Variants in CORO7 observed in about 807,000 individuals in gnomAD.
CORO7 encodes coronin 7.
In CORO7, 107 loss-of-function variants were observed where a neutral mutation model predicts 126.6. The ratio of observed to expected loss-of-function variants is 0.85; its 90% CI spans 0.72 to 0.99. CORO7 has a LOEUF of 0.99. CORO7 is among the 50% of genes least tolerant of loss of function. The pLI, the probability that CORO7 is intolerant of heterozygous loss-of-function variation, is 0.00. For missense variants in CORO7, 1,314 were observed against 1,255.8 expected (o/e 1.05, Z -0.70); for synonymous variants, 603 against 536.8 (o/e 1.12, Z -1.70).
intron 5 of CORO7, among the ~76,000 whole-genome samples, chr16:4,406,914 C>G (rs2056019826): frequency 6.6e-6 from 1 of 152,182 alleles, no homozygotes; most frequent in Non-Finnish European, 1.5e-5. Context: ...GCTGGGATTA[C>G]AGGCGTGAGC....
chr16:4,380,859 C>T, intron 9 of CORO7: 1 of 1,484,704 alleles, frequency 6.7e-7, no homozygotes, highest in Non-Finnish European at 8.9e-7. Context: ...TGCCTCCTCT[C>T]TGCTCCCAGG....
At chr16:4,387,751 G>C (rs1342254805) in intron 9 of CORO7, 1 of 580,528 alleles carries the variant, frequency 1.7e-6, no homozygotes, top group African/African-American at 1.9e-5. Context: ...TGGTGACCAA[G>C]GGCCCACTCT....
chr16:4,381,310 G>C, intron 9 of CORO7: 2 of 1,611,856 alleles, frequency 1.2e-6, no homozygotes, highest in Non-Finnish European at 1.7e-6. Flanking sequence ...TGGTGCCTTC[G>C]ACACGCTCGA....
intron 6 of CORO7, among the ~76,000 whole-genome samples, chr16:4,404,869 T>A (rs1344653620): frequency 6.6e-6 from 1 of 151,942 alleles, no homozygotes; most frequent in African/African-American, 2.4e-5. Context: ...GCGAATCCGC[T>A]CCCCTCACTG....
intron 7 of CORO7, among the ~76,000 whole-genome samples, chr16:4,390,778 G>C (rs2055359373): frequency 1.3e-5 from 2 of 152,350 alleles, no homozygotes; most frequent in South Asian, 4.1e-4. Flanking sequence ...GGCCCCAGCT[G>C]TCTCCTCCAC....
At position 4,364,864 on chromosome 16, in the gene CORO7, C is replaced by T; in HGVS notation, c.955G>A (p.Ala319Thr). Residue 319 changes from alanine to threonine, a missense_variant, in exon 12 of 28, where the codon GCG becomes ACG. Transcript: ENST00000251166. ...LRGAALVPRQALAVMSCEVLR... is the reference protein window; with the variant it reads ...LRGAALVPRQTLAVMSCEVLR... ...ACCTCGCAGCTCATGACGGCCAGCGCCTGCCGGGGCACAAGGGCAGCCCCA... is the reference window on the plus strand; with the variant it reads ...ACCTCGCAGCTCATGACGGCCAGCGTCTGCCGGGGCACAAGGGCAGCCCCA... 1 of 1,612,066 alleles carries T rather than the reference C, an allele frequency of 6.2e-7. No homozygotes were observed. Among genetic ancestry groups the T allele is most frequent in the Non-Finnish European group, 8.5e-7 (1 of 1,179,748 alleles).
At chr16:4,372,220 G>C (rs1311935577) in intron 9 of CORO7, among the ~76,000 whole-genome samples, 1 of 152,168 alleles carries the variant, frequency 6.6e-6, no homozygotes, top group Non-Finnish European at 1.5e-5. Flanking sequence ...GTGCGCGCCT[G>C]AGTGTGCGGT....
chr16:4,380,960 G>A, intron 9 of CORO7: 1 of 1,602,502 alleles, frequency 6.2e-7, no homozygotes, highest in Admixed American at 1.7e-5. Context: ...CCATCCGGCT[G>A]CCAGTGCAGC....
At chr16:4,372,302 C>T (rs866620529) in intron 9 of CORO7, among the ~76,000 whole-genome samples, 1 of 152,212 alleles carries the variant, frequency 6.6e-6, no homozygotes, top group African/African-American at 2.4e-5. Context: ...GCTGGGCCTC[C>T]GGCATGACCA....
In CORO7 at chr16:4,407,703, C is replaced by T; in HGVS notation, c.304-19G>A. 1 of 1,564,820 alleles carries T rather than the reference C, an allele frequency of 6.4e-7. No individual in the cohort carries two copies. Among genetic ancestry groups the T allele is most frequent in the Non-Finnish European group, 8.6e-7 (1 of 1,157,760 alleles). ...GTTTTACCTGCAAGAAAGACCAAGT[C>T]CGTGAGCACAGGGCTGAGGGCCTCA... On this transcript the variant is annotated intron_variant, in intron 4 of 27. Coordinates refer to ENST00000251166, the MANE Select transcript of CORO7 (RefSeq NM_024535.5).
intron 5 of CORO7, 82 bp downstream of exon 5, chr16:4,407,419 G>C: frequency 4.1e-6 from 6 of 1,465,826 alleles, no homozygotes; most frequent in Non-Finnish European, 5.5e-6. Context: ...TTAAATTTAT[G>C]TGACTAAACA....
chr16:4,354,676 A>G lies in CORO7; in HGVS notation c.*482T>C. ...TCTCCTGGCTACAAACCTGGGAAGT[A>G]GGGCAGCTGGTCCCAGGGCCCTGAG... On this transcript the variant is annotated 3_prime_UTR_variant, in exon 28 of 28. Coordinates refer to ENST00000251166, the MANE Select transcript of CORO7 (RefSeq NM_024535.5). 1 of 170,002 alleles carries G rather than the reference A, an allele frequency of 5.9e-6. No individual in the cohort carries two copies. The highest frequency in any genetic ancestry group is 1.2e-5 in the Non-Finnish European group (1 of 80,110). The allele number at this position is 170,002 out of a possible 1,614,324, so 10.5% of individuals were successfully genotyped here. A position where few individuals can be genotyped will look rare whatever the true frequency, so the allele number is the denominator to read the frequency against.
At position 4,360,268 on chromosome 16, in the gene CORO7, G is replaced by A. The variant is rs766911558; in HGVS notation, c.2108+10C>T. ...CTGAAGCCTGGGGATGGGGATGCCT[G>A]AGTCCTCACCTGTCAAAGCCAGACA... On this transcript the variant is annotated intron_variant, in intron 21 of 27. Coordinates refer to ENST00000251166, the MANE Select transcript of CORO7 (RefSeq NM_024535.5). 5 of 1,613,280 alleles carry A rather than the reference G, an allele frequency of 3.1e-6. No individual in the cohort carries two copies. Among genetic ancestry groups the A allele is most frequent in the Admixed American group, 1.7e-5 (1 of 59,984 alleles).
Position 4,358,672 on chromosome 16 carries a change from C to T in CORO7, c.2341-189G>A, listed in dbSNP as rs551732079. On this transcript the variant is annotated intron_variant, in intron 23 of 27. Transcript: ENST00000251166. ...GAAAGCCCTGATTTGTGGTGTTTTC[C>T]TATTTCCACAGTTTACAAACTCCCA... Among the ~76,000 whole-genome samples, 19 of 152,204 alleles carry T rather than the reference C, an allele frequency of 1.2e-4. 1 individual carries two copies. The South Asian group carries it at 3.7e-3, about 30-fold the overall frequency.
chr16:4,382,622 T>C, intron 9 of CORO7: 1 of 1,574,098 alleles, frequency 6.4e-7, no homozygotes, highest in East Asian at 2.4e-5. Flanking sequence ...GCGCCCGCCC[T>C]GGCCGCGGTG....
chr16:4,380,809 T>C, intron 9 of CORO7: 1 of 1,412,498 alleles, frequency 7.1e-7, no homozygotes, highest in Non-Finnish European at 9.3e-7. Flanking sequence ...CTTCCTGGCG[T>C]GTCTGCCTTC....
At chr16:4,382,071 G>T (rs746508419) in intron 9 of CORO7, 1 of 1,584,290 alleles carries the variant, frequency 6.3e-7, no homozygotes, top group Non-Finnish European at 8.6e-7. Context: ...CTGCCCCACC[G>T]ACTGTAGGGC....
chr16:4,377,952 G>C (rs1479065898), intron 9 of CORO7, among the ~76,000 whole-genome samples: 1 of 152,172 alleles, frequency 6.6e-6, no homozygotes, highest in Non-Finnish European at 1.5e-5. Context: ...CTCACTACCT[G>C]TCAGCCGGAA....
chr16:4,414,820 G>T (rs1281698201), intron 1 of CORO7, among the ~76,000 whole-genome samples: 1 of 152,276 alleles, frequency 6.6e-6, no homozygotes, highest in East Asian at 1.9e-4. Context: ...GCCACCGGCT[G>T]TCTTGATGCA....
Sources: gnomAD v4.1 joint callset for allele counts (sites outside exome capture counted in the v4.1 genomes callset) on GRCh38, gnomAD v4.1.1 for gene constraint, MANE v1.5 for transcripts, NCBI Gene and HGNC (gene_info 2026-07-23, HGNC 2026-07-21) for gene names.